KLHL2: variants seen among roughly 807,000 people sequenced by gnomAD.
The protein encoded by KLHL2 is kelch-like protein 2.
In KLHL2, 15 loss-of-function variants were observed where a neutral mutation model predicts 75.8. The observed-to-expected ratio is 0.20, with a 90% CI of 0.13 to 0.30. The LOEUF is 0.30. KLHL2 is among the 10% of genes least tolerant of loss of function. The probability of loss-of-function intolerance (pLI) is 1.00; values close to 1 mark genes in which losing one functional copy is unlikely to be tolerated. For missense variants in KLHL2, 381 were observed against 741.0 expected (o/e 0.51, Z 5.64); for synonymous variants, 214 against 251.9 (o/e 0.85, Z 1.42).
At position 165,238,327 on chromosome 4, in the gene KLHL2, C is replaced by T. The variant is rs3817244; in HGVS notation, c.260-451C>T. ...TGTCTGGTGCAGGCTATGCATGCCC[C>T]GGCAGGCATTTGTGTGTTTGTTGAA... On this transcript the variant is annotated intron_variant, in intron 3 of 14. Coordinates refer to ENST00000226725, the MANE Select transcript of KLHL2 (RefSeq NM_007246.4). Among the ~76,000 whole-genome samples, 1,337 of 151,434 alleles carry T rather than the reference C, an allele frequency of 8.8e-3. 17 individuals are homozygous for T. The highest frequency in any genetic ancestry group is 0.029 in the African/African-American group (1,184 of 41,188).
In KLHL2 at chr4:165,207,966, C is replaced by G. The variant is rs570618753; in HGVS notation, c.26+64C>G. ...AGCGCGCCGCTGCGGCGCGTGTCGCCGGCCGCGGGCGCAGCTCTGGGGACA... is the reference window on the plus strand; with the variant it reads ...AGCGCGCCGCTGCGGCGCGTGTCGCGGGCCGCGGGCGCAGCTCTGGGGACA... On this transcript the variant is annotated intron_variant, in intron 1 of 14. Transcript: ENST00000226725. This position sits in a 1 kb window ranked among gnomAD's most constrained non-coding sequence, Gnocchi z 4.2. 3 of 1,221,370 alleles carry G rather than the reference C, an allele frequency of 2.5e-6. No homozygotes were observed. The highest frequency in any genetic ancestry group is 3.6e-5 in the East Asian group (1 of 27,964). The allele number at this position is 1,221,370 out of a possible 1,614,324, so 75.7% of individuals were successfully genotyped here. A position where few individuals can be genotyped will look rare whatever the true frequency, so the allele number is the denominator to read the frequency against.
At chr4:165,295,602 C>T (rs190029990) in intron 6 of KLHL2, among the ~76,000 whole-genome samples, 23 of 152,164 alleles carry the variant, frequency 1.5e-4, no homozygotes, top group Admixed American at 1.1e-3. Flanking sequence ...TTTAACTTTT[C>T]CAGGAATGGG....
chr4:165,296,306 T>A (rs1744905077), intron 6 of KLHL2, among the ~76,000 whole-genome samples: 1 of 152,220 alleles, frequency 6.6e-6, no homozygotes, highest in African/African-American at 2.4e-5. Flanking sequence ...TCCTCTCCCC[T>A]CCTTTCTTCT....
At chr4:165,257,619 G>A (rs1741292426) in intron 4 of KLHL2, among the ~76,000 whole-genome samples, 1 of 152,234 alleles carries the variant, frequency 6.6e-6, no homozygotes, top group South Asian at 2.1e-4. Context: ...AAGATTTGTG[G>A]TAGGCTACAA....
intron 6 of KLHL2, among the ~76,000 whole-genome samples, chr4:165,297,045 A>G (rs748068953): frequency 6.6e-6 from 1 of 152,140 alleles, no homozygotes; most frequent in Non-Finnish European, 1.5e-5. Context: ...CAGTTATCCA[A>G]TTGCATATTG....
intron 2 of KLHL2, among the ~76,000 whole-genome samples, chr4:165,222,394 ATGTGAACTCTATAACTG>A (rs945033131): frequency 4.0e-5 from 6 of 151,758 alleles, no homozygotes. Flanking sequence ...CCCTTTTTGG[ATGTGAACTCTATAACTG>A]TGAGATAGTA....
At chr4:165,278,035 C>T (rs899303295) in intron 5 of KLHL2, 1 of 1,501,416 alleles carries the variant, frequency 6.7e-7, no homozygotes, top group African/African-American at 1.4e-5. Flanking sequence ...CCATGCTACT[C>T]ACTATAAAAA....
intron 3 of KLHL2, among the ~76,000 whole-genome samples, chr4:165,233,654 C>T (rs1254915049): frequency 6.6e-6 from 1 of 152,094 alleles, no homozygotes; most frequent in Non-Finnish European, 1.5e-5. Context: ...AGGCATTGTC[C>T]TAGGCTTTGG....
rs115763057 is a variant in KLHL2, at chr4:165,300,390, C to T, written c.921+734C>T. On this transcript the variant is annotated intron_variant, in intron 8 of 14. Coordinates refer to ENST00000226725, the MANE Select transcript of KLHL2 (RefSeq NM_007246.4). ...TTCACAGAATTACACATTAGAACTA[C>T]AGATGATAAAAATAGCTTGTTCAGT... 6.4e-3 allele frequency among the ~76,000 whole-genome samples: 957 copies of T among 150,212 alleles called. 13 individuals are homozygous for T. Among genetic ancestry groups the T allele is most frequent in the African/African-American group, 0.023 (903 of 39,794 alleles).
intron 5 of KLHL2, chr4:165,279,265 A>G (rs773809519): frequency 9.8e-5 from 150 of 1,532,664 alleles, no homozygotes; most frequent in Non-Finnish European, 1.3e-4. Flanking sequence ...GAATTCTTTT[A>G]CTAAGACTCT....
chr4:165,296,535 G>A (rs1744923431), intron 6 of KLHL2, among the ~76,000 whole-genome samples: 1 of 152,198 alleles, frequency 6.6e-6, no homozygotes, highest in Non-Finnish European at 1.5e-5. Flanking sequence ...CTATATAAGG[G>A]TATGGATCTG....
chr4:165,219,313 TG>T (rs1456708582), intron 1 of KLHL2, among the ~76,000 whole-genome samples: 1 of 152,258 alleles, frequency 6.6e-6, no homozygotes, highest in Admixed American at 6.5e-5. Flanking sequence ...ATCTGTTAAA[TG>T]GGGATAATAA....
At chr4:165,297,540 CAT>C in intron 6 of KLHL2, 67 bp from the exon 7 acceptor site, 1 of 884,530 alleles carries the variant, frequency 1.1e-6, no homozygotes, top group Non-Finnish European at 1.9e-6. Flanking sequence ...AATGTAGTCT[CAT>C]ATTTTATCCA....
chr4:165,260,179 T>C (rs1336285691), intron 4 of KLHL2, among the ~76,000 whole-genome samples: 1 of 152,176 alleles, frequency 6.6e-6, no homozygotes, highest in Non-Finnish European at 1.5e-5. Context: ...AATTACATAA[T>C]TATGAGCTAT....
chr4:165,231,761 C>G (rs188041976), intron 3 of KLHL2, among the ~76,000 whole-genome samples: 1 of 152,176 alleles, frequency 6.6e-6, no homozygotes, highest in Admixed American at 6.5e-5. Flanking sequence ...TTTTATTTCT[C>G]TTGGGAGTAG....
At chr4:165,316,443 A>G (rs1334264131) in intron 13 of KLHL2, among the ~76,000 whole-genome samples, 3 of 152,178 alleles carry the variant, frequency 2.0e-5, no homozygotes, top group South Asian at 4.1e-4. Flanking sequence ...AAGTATTTGA[A>G]CAACTTTAAA....
chr4:165,247,495 A>G (rs1579035297), intron 4 of KLHL2, among the ~76,000 whole-genome samples: 2 of 152,304 alleles, frequency 1.3e-5, no homozygotes, highest in East Asian at 3.9e-4. Context: ...ACCTAGTAGA[A>G]AAGCGAAAGT....
At chr4:165,225,690 A>T (rs1407864998) in intron 2 of KLHL2, among the ~76,000 whole-genome samples, 1 of 152,220 alleles carries the variant, frequency 6.6e-6, no homozygotes, top group African/African-American at 2.4e-5. Flanking sequence ...GGCCAGACTC[A>T]GTGTACACAC....
intron 4 of KLHL2, among the ~76,000 whole-genome samples, chr4:165,253,656 T>G (rs1282477753): frequency 1.3e-5 from 2 of 152,200 alleles, no homozygotes; most frequent in African/African-American, 2.4e-5. Context: ...TATTGAGCAT[T>G]TATAACCTCA....
Sources: allele counts gnomAD v4.1 joint callset (sites outside exome capture counted in the v4.1 genomes callset), GRCh38; gene constraint gnomAD v4.1.1; non-coding constraint Gnocchi (gnomAD v3.1); transcripts MANE v1.5; gene names NCBI Gene and HGNC (gene_info 2026-07-23, HGNC 2026-07-21).